PRKCH: variants seen among roughly 807,000 people sequenced by gnomAD.
PRKCH encodes the protein protein kinase C eta, also known as protein kinase C eta type.
A neutral mutation model predicts 82.5 loss-of-function variants in PRKCH; 28 were observed. The ratio of observed to expected loss-of-function variants is 0.34; its 90% CI spans 0.25 to 0.47. The LOEUF is 0.47. Among genes scored for constraint, PRKCH ranks in the 20% least tolerant of loss-of-function variants. The probability of loss-of-function intolerance (pLI) is 1.00; values close to 1 mark genes in which losing one functional copy is unlikely to be tolerated. For synonymous variants in PRKCH, 322 were observed against 327.4 expected (o/e 0.98, Z 0.18); for missense variants, 705 against 881.8 (o/e 0.80, Z 2.54).
At chr14:61,343,688 G>A (rs971263259) in intron 1 of PRKCH, among the ~76,000 whole-genome samples, 58 of 152,296 alleles carry the variant, frequency 3.8e-4, no homozygotes, top group African/African-American at 1.3e-3. Flanking sequence ...GACACACTGT[G>A]AAAGAGTAAA....
chr14:61,286,257 C>A (rs111528147), intron 1 of PRKCH, among the ~76,000 whole-genome samples: 1 of 152,166 alleles, frequency 6.6e-6, no homozygotes, highest in Non-Finnish European at 1.5e-5. Flanking sequence ...TTACAGCATG[C>A]GCTCAGAAAA....
chr14:61,368,355 T>C (rs2046325022), intron 1 of PRKCH, among the ~76,000 whole-genome samples: 1 of 151,358 alleles, frequency 6.6e-6, no homozygotes, highest in South Asian at 2.1e-4. Flanking sequence ...CCCAAGATGA[T>C]CTTGCCTTTG....
intron 1 of PRKCH, among the ~76,000 whole-genome samples, chr14:61,196,077 G>A (rs756495647): frequency 5.9e-5 from 9 of 152,150 alleles, no homozygotes; most frequent in Non-Finnish European, 1.3e-4. Flanking sequence ...AACATGGGTT[G>A]TTGAAATGAT....
chr14:61,280,316 G>A lies in PRKCH; in HGVS notation c.-19+92648G>A, dbSNP rs770260142. ...TTGACGCGGTAGGCGCCCCGCGGCA[G>A]CCCGGCCGAGTAGTTGCCCTGGCGG... On this transcript the variant is annotated intron_variant, in intron 1 of 3. Coordinates refer to the PRKCH transcript ENST00000555185. The surrounding 1 kb of genome is among the most constrained non-coding windows in gnomAD (Gnocchi z 5.0). 5.6e-6 allele frequency: 9 copies of A among 1,613,854 alleles called. No homozygotes were observed. Among genetic ancestry groups the A allele is most frequent in the Middle Eastern group, 3.3e-4 (2 of 6,062 alleles).
intron 12 of PRKCH, among the ~76,000 whole-genome samples, chr14:61,540,128 G>T (rs114627879): frequency 6.6e-4 from 101 of 152,282 alleles, no homozygotes; most frequent in African/African-American, 2.3e-3. Flanking sequence ...CAGGTGTCAG[G>T]CTGAAGGATG....
rs374573659 is a variant in PRKCH, at chr14:61,345,462, A to G, written c.363+22998A>G. Among the ~76,000 whole-genome samples, 5 of 152,324 alleles carry G rather than the reference A, an allele frequency of 3.3e-5. No homozygotes were observed. The East Asian group carries it at 7.7e-4, about 23-fold the overall frequency. ...AGGCAAGGCTGACAGCCACAGCAGT[A>G]ATTTCATGATGGCTGAAATAGCTGT... On this transcript the variant is annotated intron_variant, in intron 1 of 13. Coordinates refer to ENST00000332981, the MANE Select transcript of PRKCH (RefSeq NM_006255.5).
At chr14:61,329,234 CTTTTTTT>C (rs71117812) in intron 1 of PRKCH, among the ~76,000 whole-genome samples, 1 of 63,462 alleles carries the variant, frequency 1.6e-5, no homozygotes, top group Non-Finnish European at 2.7e-5. Flanking sequence ...ACTCCTGAGT[CTTTTTTT>C]TTTTTTTTTT....
intron 1 of PRKCH, among the ~76,000 whole-genome samples, chr14:61,355,922 T>C (rs945294958): frequency 4.6e-5 from 7 of 152,204 alleles, no homozygotes; most frequent in African/African-American, 1.7e-4. Flanking sequence ...GAAGTCTCTT[T>C]CCATGATAGA....
chr14:61,486,091 A>G (rs890686295), intron 10 of PRKCH, among the ~76,000 whole-genome samples: 1 of 152,226 alleles, frequency 6.6e-6, no homozygotes, highest in African/African-American at 2.4e-5. Flanking sequence ...CGACAGTCTC[A>G]GAAGAGACTG....
chr14:61,479,093 C>T (rs748746826), intron 9 of PRKCH, among the ~76,000 whole-genome samples: 30 of 152,000 alleles, frequency 2.0e-4, no homozygotes, highest in Non-Finnish European at 4.4e-5. Flanking sequence ...GCTCTTGGCT[C>T]ACTCACCCTC....
chr14:61,370,384 C>G (rs140880694), intron 1 of PRKCH, among the ~76,000 whole-genome samples: 1 of 152,026 alleles, frequency 6.6e-6, no homozygotes, highest in African/African-American at 2.4e-5. Context: ...ACTGGAGTCA[C>G]CTGGAGTTTG....
intron 10 of PRKCH, among the ~76,000 whole-genome samples, chr14:61,499,045 C>T (rs932230829): frequency 3.9e-5 from 6 of 152,050 alleles, no homozygotes; most frequent in South Asian, 2.1e-4. Context: ...AGGATTAGAC[C>T]GAGGCGTTGT....
At position 61,353,762 on chromosome 14, in the gene PRKCH, C is replaced by T. The variant is rs199542859; in HGVS notation, c.363+31298C>T. 5 of 151,896 alleles carry T rather than the reference C, an allele frequency of 3.3e-5. No homozygotes were observed. In the East Asian group the frequency reaches 5.8e-4, roughly 18 times the overall value. The allele number at this position is 151,896 out of a possible 1,614,324, so 9.4% of individuals were successfully genotyped here. A position where few individuals can be genotyped will look rare whatever the true frequency, so the allele number is the denominator to read the frequency against. On this transcript the variant is annotated intron_variant, in intron 1 of 13. Transcript: ENST00000332981. The stretch of plus-strand genomic sequence containing the variant: ...CATGGACAACATAGCAAGACCCCAT[C>T]GCTACAAAAAAAATAAAAATATAAA...
At chr14:61,448,624 C>G (rs1594717704) in intron 4 of PRKCH, among the ~76,000 whole-genome samples, 2 of 152,140 alleles carry the variant, frequency 1.3e-5, no homozygotes, top group East Asian at 1.9e-4. Flanking sequence ...TTCTGAGTTA[C>G]ATCTTGTCCT....
intron 10 of PRKCH, among the ~76,000 whole-genome samples, chr14:61,524,921 T>C (rs2042947629): frequency 6.6e-6 from 1 of 152,244 alleles, no homozygotes; most frequent in African/African-American, 2.4e-5. Flanking sequence ...TGGCTTTTTA[T>C]AAGTTTAAGT....
At chr14:61,440,765 T>C (rs1209241606) in intron 2 of PRKCH, among the ~76,000 whole-genome samples, 2 of 152,050 alleles carry the variant, frequency 1.3e-5, no homozygotes, top group Admixed American at 6.5e-5. Context: ...TCCCAGCTGC[T>C]TGGGAGGCTG....
chr14:61,376,019 A>C (rs961319844), intron 1 of PRKCH, among the ~76,000 whole-genome samples: 8 of 138,944 alleles, frequency 5.8e-5, no homozygotes, highest in African/African-American at 2.0e-4. Flanking sequence ...TTCTGTCTCA[A>C]AAAAAAAAAA....
At chr14:61,547,997 A>G (rs1288228314) in intron 13 of PRKCH, 111 bp downstream of exon 13, 3 of 1,423,492 alleles carry the variant, frequency 2.1e-6, no homozygotes, top group Non-Finnish European at 2.9e-6. Flanking sequence ...CCAGAAATTC[A>G]GCTGGATACT....
chr14:61,356,898 T>A (rs2046157706), intron 1 of PRKCH, among the ~76,000 whole-genome samples: 2 of 152,168 alleles, frequency 1.3e-5, no homozygotes, highest in South Asian at 4.1e-4. Flanking sequence ...GCCAGGCTTG[T>A]CTCGAACTCC....
Sources: gnomAD v4.1 joint callset for allele counts (sites outside exome capture counted in the v4.1 genomes callset) on GRCh38, gnomAD v4.1.1 for gene constraint, Gnocchi (gnomAD v3.1) non-coding constraint, MANE v1.5 for transcripts, NCBI Gene and HGNC (gene_info 2026-07-23, HGNC 2026-07-21) for gene names.